Variants in CDKAL1 observed in about 807,000 individuals in gnomAD.
CDKAL1 encodes threonylcarbamoyladenosine tRNA methylthiotransferase.
A neutral mutation model predicts 68.2 loss-of-function variants in CDKAL1; 32 were observed. The observed-to-expected ratio is 0.47, with a 90% CI of 0.35 to 0.63. The LOEUF (loss-of-function observed/expected upper bound fraction) is 0.63, where lower values mean the gene tolerates loss of function less well. CDKAL1 is among the 30% of genes least tolerant of loss of function. CDKAL1 has a pLI of 0.00. For synonymous variants in CDKAL1, 234 were observed against 244.3 expected (o/e 0.96, Z 0.39); for missense variants, 606 against 696.7 (o/e 0.87, Z 1.47).
At chr6:20,821,684 G>A (rs1777285583) in intron 8 of CDKAL1, among the ~76,000 whole-genome samples, 1 of 152,108 alleles carries the variant, frequency 6.6e-6, no homozygotes, top group African/African-American at 2.4e-5. Context: ...TTTGCTGAAT[G>A]TATGGCTTAA....
chr6:20,835,198 A>T (rs1028185910), intron 8 of CDKAL1, among the ~76,000 whole-genome samples: 1 of 152,184 alleles, frequency 6.6e-6, no homozygotes, highest in African/African-American at 2.4e-5. Flanking sequence ...CATTATCATG[A>T]TTGTGGCAAT....
chr6:21,031,903 T>C (rs544908643), intron 11 of CDKAL1, among the ~76,000 whole-genome samples: 1 of 152,322 alleles, frequency 6.6e-6, no homozygotes. Flanking sequence ...CTTTGTTTGC[T>C]GAGGACCATC....
chr6:20,995,191 C>G (rs1278550565), intron 10 of CDKAL1, among the ~76,000 whole-genome samples: 1 of 152,162 alleles, frequency 6.6e-6, no homozygotes, highest in Non-Finnish European at 1.5e-5. Flanking sequence ...CTTACTTTCT[C>G]CATTGAAGTC....
chr6:21,066,450 A>G (rs918264419), intron 12 of CDKAL1, among the ~76,000 whole-genome samples: 3 of 152,184 alleles, frequency 2.0e-5, no homozygotes. Context: ...TATCACAAGT[A>G]TATATTATTG....
chr6:21,184,816 G>A lies in CDKAL1; in HGVS notation c.1300-13205G>A, dbSNP rs557745474. On this transcript the variant is annotated intron_variant, in intron 13 of 15. Transcript: ENST00000274695. ...GGACTACAGGTGTGCACTACCACGT[G>A]CAGCTAATTTTTTTTTTTTTTTTTT... Among the ~76,000 whole-genome samples, 15 of 139,270 alleles carry A rather than the reference G, an allele frequency of 1.1e-4. No individual in the cohort carries two copies. The East Asian group carries it at 2.9e-3, about 27-fold the overall frequency. 91.4% of individuals were successfully genotyped at this position (139,270 alleles called of 152,430 possible).
chr6:20,756,324 A>G (rs1211580822), intron 6 of CDKAL1: 1 of 152,208 alleles, frequency 6.6e-6, no homozygotes, highest in Non-Finnish European at 1.5e-5. Flanking sequence ...TTTACTGAGT[A>G]CAAATTAACT....
intron 2 of CDKAL1, among the ~76,000 whole-genome samples, chr6:20,544,813 C>G (rs1401178376): frequency 6.6e-6 from 1 of 151,956 alleles, no homozygotes; most frequent in Non-Finnish European, 1.5e-5. Context: ...AACTTCATTA[C>G]TGGTCGGTTG....
chr6:21,137,626 A>G lies in CDKAL1; in HGVS notation c.1299+29163A>G, dbSNP rs901271841. Among the ~76,000 whole-genome samples, 4 of 152,194 alleles carry G rather than the reference A, an allele frequency of 2.6e-5. No homozygotes were observed. The East Asian group carries it at 7.7e-4, about 29-fold the overall frequency. ...TTTTTTTTCTTTTTTTAAAACAATCATTTCATTAGGTTTCTATATTAACGA... is the reference window on the plus strand; with the variant it reads ...TTTTTTTTCTTTTTTTAAAACAATCGTTTCATTAGGTTTCTATATTAACGA... On this transcript the variant is annotated intron_variant, in intron 13 of 15. Transcript: ENST00000274695.
At chr6:20,730,445 A>G (rs1561724455) in intron 5 of CDKAL1, among the ~76,000 whole-genome samples, 1 of 149,366 alleles carries the variant, frequency 6.7e-6, no homozygotes, top group Admixed American at 6.7e-5. Context: ...AAAGAGAAAG[A>G]AAAGAAAGAA....
intron 5 of CDKAL1, among the ~76,000 whole-genome samples, chr6:20,660,777 T>A (rs142530670): frequency 6.6e-6 from 1 of 152,334 alleles, no homozygotes; most frequent in African/African-American, 2.4e-5. Flanking sequence ...TTTTTCCTCT[T>A]TTTGGGAAAA....
chr6:20,817,602 A>T (rs11759888), intron 8 of CDKAL1, among the ~76,000 whole-genome samples: 43,269 of 152,086 alleles, frequency 0.28, 7,364 homozygotes, highest in East Asian at 0.37. Flanking sequence ...CACAACCTGC[A>T]GGAAGATGTC....
chr6:20,739,517 A>G lies in CDKAL1; in HGVS notation c.372-2A>G, dbSNP rs1370616567. The G allele has an allele frequency of 1.3e-6, 2 of 1,598,170 alleles. No individual in the cohort carries two copies. Among genetic ancestry groups the G allele is most frequent in the Non-Finnish European group, 1.7e-6 (2 of 1,167,860 alleles). On this transcript the variant is annotated splice_acceptor_variant, in intron 5 of 15. Transcript: ENST00000274695. LOFTEE classifies it high-confidence loss of function. ...CACATTGTCTTCTCTTCAATCTTTT[A>G]GAAAAGCTCAAGAGGAGAACAAGAA...
intron 13 of CDKAL1, among the ~76,000 whole-genome samples, chr6:21,126,443 A>G (rs1293829006): frequency 6.6e-6 from 1 of 152,168 alleles, no homozygotes; most frequent in African/African-American, 2.4e-5. Flanking sequence ...AGAATAAGTT[A>G]TGCTCATTGG....
At chr6:21,217,320 G>A (rs910622509) in intron 15 of CDKAL1, among the ~76,000 whole-genome samples, 1 of 148,046 alleles carries the variant, frequency 6.8e-6, no homozygotes, top group African/African-American at 2.5e-5. Flanking sequence ...TTGAGTCAGG[G>A]TCTTGCACTG....
chr6:20,967,058 C>T (rs1765356914), intron 10 of CDKAL1, among the ~76,000 whole-genome samples: 1 of 152,168 alleles, frequency 6.6e-6, no homozygotes, highest in Non-Finnish European at 1.5e-5. Flanking sequence ...CTTGGCATTC[C>T]TTGGCTTATA....
At chr6:21,210,077 C>G (rs1453549771) in intron 15 of CDKAL1, among the ~76,000 whole-genome samples, 2 of 152,058 alleles carry the variant, frequency 1.3e-5, no homozygotes, top group East Asian at 3.9e-4. Context: ...AATAATATGC[C>G]CTTATTCCAC....
In CDKAL1 at chr6:20,767,469, TA is replaced by T. The variant is rs886938700; in HGVS notation, c.517+8833del. Among the ~76,000 whole-genome samples the T allele has an allele frequency of 1.9e-4, 29 of 152,200 alleles. 1 individual carries two copies. In the East Asian group the frequency reaches 1.9e-3, roughly 10 times the overall value. On this transcript the variant is annotated intron_variant, in intron 7 of 15. Coordinates refer to ENST00000274695, the MANE Select transcript of CDKAL1 (RefSeq NM_017774.3). ...GAAATTATCATCTTCAATTTTTTTT[TA>T]AAAAAACAAAGATTTTATTGTTATG...
intron 12 of CDKAL1, among the ~76,000 whole-genome samples, chr6:21,087,788 A>G (rs1772774006): frequency 6.6e-6 from 1 of 151,274 alleles, no homozygotes; most frequent in South Asian, 2.1e-4. Flanking sequence ...ACAGATATGC[A>G]TGCATGCGTG....
chr6:20,691,526 G>A (rs992275588), intron 5 of CDKAL1, among the ~76,000 whole-genome samples: 1 of 151,988 alleles, frequency 6.6e-6, no homozygotes, highest in Non-Finnish European at 1.5e-5. Flanking sequence ...ATTAGAGGAG[G>A]CCTTATTTTC....
Sources: gnomAD v4.1 joint callset for allele counts (sites outside exome capture counted in the v4.1 genomes callset) on GRCh38, gnomAD v4.1.1 for gene constraint, MANE v1.5 for transcripts, NCBI Gene and HGNC (gene_info 2026-07-23, HGNC 2026-07-21) for gene names.